LRRTM4: variants seen among roughly 807,000 people sequenced by gnomAD.
LRRTM4 encodes leucine rich repeat transmembrane neuronal 4.
LRRTM4 carries 25 observed loss-of-function variants against 47.6 expected under a neutral mutation model. The observed-to-expected ratio is 0.53, with a 90% confidence interval of 0.38 to 0.73. The LOEUF (loss-of-function observed/expected upper bound fraction) is 0.73. Ranked by LOEUF, LRRTM4 falls within the 30% of genes least tolerant of loss-of-function variation. LRRTM4 has a pLI of 0.00. For synonymous variants in LRRTM4, 311 were observed against 269.5 expected (o/e 1.15, Z -1.51); for missense variants, 638 against 713.4 (o/e 0.89, Z 1.20).
chr2:77,242,797 A>G (rs1031237348), intron 3 of LRRTM4, among the ~76,000 whole-genome samples: 8 of 152,176 alleles, frequency 5.3e-5, no homozygotes, highest in Admixed American at 2.6e-4. Context: ...TGAAACTGCT[A>G]TGAAAACAAA....
intron 3 of LRRTM4, among the ~76,000 whole-genome samples, chr2:76,750,128 C>T (rs1251418031): frequency 1.3e-5 from 2 of 152,196 alleles, no homozygotes; most frequent in Non-Finnish European, 2.9e-5. Flanking sequence ...TTTGTTTCTT[C>T]CTCCTCCAGG....
intron 3 of LRRTM4, among the ~76,000 whole-genome samples, chr2:77,075,914 C>CA (rs61718845): frequency 0.14 from 5,156 of 36,754 alleles, 1,260 homozygotes; most frequent in Non-Finnish European, 0.2. Flanking sequence ...GACTCCGTCT[C>CA]AAAAAAAAAA....
chr2:76,854,130 A>C (rs1473664162), intron 3 of LRRTM4, among the ~76,000 whole-genome samples: 1 of 152,136 alleles, frequency 6.6e-6, no homozygotes, highest in Admixed American at 6.6e-5. Context: ...TCAGAAATGC[A>C]ATTACATTAC....
rs560977202 is a variant in LRRTM4 at position 77,109,973 on chromosome 2, A to G, written c.1552-361057T>C. ...AATCAGCTGAAGAGATTAAAAAAATATAAAAGACAAGGAAAGAAAATACAA... is the reference window on the plus strand; with the variant it reads ...AATCAGCTGAAGAGATTAAAAAAATGTAAAAGACAAGGAAAGAAAATACAA... On this transcript the variant is annotated intron_variant, in intron 3 of 3. Transcript: ENST00000409884. Among the ~76,000 whole-genome samples the G allele has an allele frequency of 2.0e-5, 3 of 152,224 alleles. No individual in the cohort carries two copies. In the South Asian group the frequency reaches 6.2e-4, roughly 32 times the overall value.
intron 3 of LRRTM4, among the ~76,000 whole-genome samples, chr2:77,471,134 T>G (rs1677173150): frequency 1.3e-5 from 2 of 152,132 alleles, no homozygotes; most frequent in Admixed American, 1.3e-4. Flanking sequence ...ATTTCAAGTG[T>G]GCATCTAAAA....
intron 3 of LRRTM4, among the ~76,000 whole-genome samples, chr2:77,170,938 T>TTATGTATTA (rs1553402785): frequency 1.1e-4 from 11 of 98,916 alleles, no homozygotes; most frequent in Non-Finnish European, 1.8e-4. Context: ...AAAGCTATAT[T>TTATGTATTA]TATGTATTAT....
chr2:77,077,040 C>T (rs914981308), intron 3 of LRRTM4, among the ~76,000 whole-genome samples: 6 of 152,106 alleles, frequency 3.9e-5, no homozygotes, highest in African/African-American at 1.4e-4. Context: ...TCCCCAACAG[C>T]TTATTTGTTG....
intron 3 of LRRTM4, among the ~76,000 whole-genome samples, chr2:76,945,243 C>A (rs1675283583): frequency 6.6e-6 from 1 of 151,958 alleles, no homozygotes; most frequent in African/African-American, 2.4e-5. Flanking sequence ...AAATTGTTCA[C>A]AAAATAAAGC....
chr2:77,153,656 A>C (rs1034465981), intron 3 of LRRTM4, among the ~76,000 whole-genome samples: 2 of 152,152 alleles, frequency 1.3e-5, no homozygotes, highest in Non-Finnish European at 2.9e-5. Context: ...TAGAGCAAAA[A>C]GGGCATTTTT....
At chr2:77,182,342 G>A (rs1290237110) in intron 3 of LRRTM4, among the ~76,000 whole-genome samples, 2 of 152,026 alleles carry the variant, frequency 1.3e-5, no homozygotes, top group African/African-American at 2.4e-5. Flanking sequence ...AACACTGCAT[G>A]TTTTCAACAC....
At chr2:76,896,649 T>C (rs549536497) in intron 3 of LRRTM4, among the ~76,000 whole-genome samples, 1 of 151,950 alleles carries the variant, frequency 6.6e-6, no homozygotes, top group East Asian at 1.9e-4. Flanking sequence ...AAAACTGTAG[T>C]CTTTTTATAT....
Position 77,421,445 on chromosome 2 carries a change from T to C in LRRTM4, c.1551+96873A>G, listed in dbSNP as rs139449077. 5.7e-3 allele frequency among the ~76,000 whole-genome samples: 874 copies of C among 152,232 alleles called. 4 individuals are homozygous for C. The highest frequency in any genetic ancestry group is 0.018 in the African/African-American group (748 of 41,550). ...AGTCCAGGCCGGGCGTGGTGGCTCA[T>C]GCCTATAATCCCAGCACTTCGGGAG... is the stretch of plus-strand genomic sequence containing the variant. On this transcript the variant is annotated intron_variant, in intron 3 of 3. Transcript: ENST00000409884.
intron 3 of LRRTM4, among the ~76,000 whole-genome samples, chr2:77,497,481 A>G (rs978661217): frequency 6.6e-6 from 1 of 151,202 alleles, no homozygotes; most frequent in Non-Finnish European, 1.5e-5. Context: ...CTATTGTTTT[A>G]TGGGACTCTA....
At chr2:77,060,877 G>A (rs1484003544) in intron 3 of LRRTM4, among the ~76,000 whole-genome samples, 1 of 152,000 alleles carries the variant, frequency 6.6e-6, no homozygotes, top group Non-Finnish European at 1.5e-5. Context: ...TCACATAAAT[G>A]TTTATGACTC....
chr2:76,937,644 C>A (rs549283497), intron 3 of LRRTM4, among the ~76,000 whole-genome samples: 1 of 152,324 alleles, frequency 6.6e-6, no homozygotes, highest in South Asian at 2.1e-4. Flanking sequence ...TCCCGACTCA[C>A]TGCAACCTCC....
intron 3 of LRRTM4, among the ~76,000 whole-genome samples, chr2:77,268,346 T>G (rs1390962680): frequency 6.6e-6 from 1 of 152,144 alleles, no homozygotes; most frequent in Non-Finnish European, 1.5e-5. Context: ...GACAGTATTC[T>G]TAGTCATTTT....
chr2:77,190,995 T>C (rs775992876), intron 3 of LRRTM4, among the ~76,000 whole-genome samples: 26 of 152,258 alleles, frequency 1.7e-4, no homozygotes, highest in Middle Eastern at 3.4e-3. Context: ...TAGGTTGGTG[T>C]GAAATTAACT....
At chr2:76,973,877 T>C (rs1024991920) in intron 3 of LRRTM4, among the ~76,000 whole-genome samples, 1 of 151,842 alleles carries the variant, frequency 6.6e-6, no homozygotes, top group African/African-American at 2.4e-5. Context: ...TTATGTGTCA[T>C]GGGATAAATG....
At chr2:76,929,095 A>C (rs574524900) in intron 3 of LRRTM4, among the ~76,000 whole-genome samples, 6 of 152,266 alleles carry the variant, frequency 3.9e-5, no homozygotes, top group Admixed American at 3.3e-4. Flanking sequence ...AATGTTGACT[A>C]CATATTTTAA....
Sources: allele counts gnomAD v4.1 joint callset (sites outside exome capture counted in the v4.1 genomes callset), GRCh38; gene constraint gnomAD v4.1.1; transcripts MANE v1.5; gene names NCBI Gene and HGNC (gene_info 2026-07-23, HGNC 2026-07-21).